Variants in COL5A1 observed in about 807,000 individuals in gnomAD.
COL5A1 encodes the protein collagen type V alpha 1 chain.
COL5A1 carries 16 observed loss-of-function variants against 263.7 expected under a neutral mutation model. The observed-to-expected ratio is 0.06, with a 90% confidence interval of 0.04 to 0.09. The LOEUF (loss-of-function observed/expected upper bound fraction) is 0.09. COL5A1 is among the 10% of genes least tolerant of loss of function. COL5A1 has a pLI of 1.00. For synonymous variants in COL5A1, 1,012 were observed against 1,004.5 expected (o/e 1.01, Z -0.14); for missense variants, 2,036 against 2,540.5 (o/e 0.80, Z 4.27).
chr9:134,759,316 TCATACACACATGCACACAA>T (rs1836129674), intron 18 of COL5A1, among the ~76,000 whole-genome samples: 1 of 98,930 alleles, frequency 1.0e-5, no homozygotes, highest in African/African-American at 4.7e-5. Context: ...ACCCCCACAC[TCATACACACATGCACACAA>T]GCACACACAC....
chr9:134,657,531 T>G (rs201556615), intron 1 of COL5A1, among the ~76,000 whole-genome samples: 20 of 10,564 alleles, frequency 1.9e-3, no homozygotes, highest in Admixed American at 4.8e-3. Context: ...GGGGGTGGGG[T>G]GGGGGTGTAG....
At chr9:134,817,861 G>A (rs769014842) in intron 54 of COL5A1, 30 bp downstream of exon 54, 43 of 1,576,022 alleles carry the variant, frequency 2.7e-5, no homozygotes, top group South Asian at 2.0e-4. Flanking sequence ...GGCTGTGACC[G>A]CGTAGACCTC....
rs952514097 is a variant in COL5A1 at position 134,682,670 on chromosome 9, C to T, written c.110-8242C>T. 3.3e-5 allele frequency among the ~76,000 whole-genome samples: 5 copies of T among 152,164 alleles called. No homozygotes were observed. Among genetic ancestry groups the T allele is most frequent in the Non-Finnish European group, 5.9e-5 (4 of 68,036 alleles). On this transcript the variant is annotated intron_variant, in intron 1 of 65. Coordinates refer to ENST00000371817, the MANE Select transcript of COL5A1 (RefSeq NM_000093.5). The surrounding 1 kb of genome is among the most constrained non-coding windows in gnomAD (Gnocchi z 5.1). ...TGGAAAGTAACAGTGGGCACTGCTC[C>T]GGCTCAGGGGGGCACCGGGACGGGG... is the stretch of plus-strand genomic sequence containing the variant.
intron 2 of COL5A1, among the ~76,000 whole-genome samples, chr9:134,693,162 TC>T (rs548021484): frequency 7.7e-4 from 118 of 152,260 alleles, no homozygotes; most frequent in African/African-American, 2.5e-3. Flanking sequence ...AGGGACCCCA[TC>T]CCTGAGCAGG....
intron 4 of COL5A1, chr9:134,708,584 G>GGTGTGGGGC (rs1833926584): frequency 5.8e-6 from 3 of 518,792 alleles, no homozygotes; most frequent in Non-Finnish European, 1.2e-5. Context: ...TGGCAGCCCA[G>GGTGTGGGGC]ACCCCACCCT....
At chr9:134,826,994 T>C (rs1839309536) in intron 63 of COL5A1, among the ~76,000 whole-genome samples, 1 of 152,188 alleles carries the variant, frequency 6.6e-6, no homozygotes. Context: ...CTGTTGCTCC[T>C]GGAAGGTGAC....
intron 11 of COL5A1, among the ~76,000 whole-genome samples, chr9:134,748,400 T>C (rs1310938546): frequency 6.6e-6 from 1 of 152,084 alleles, no homozygotes; most frequent in Non-Finnish European, 1.5e-5. Flanking sequence ...CACATACACT[T>C]ACATCCACAC....
At chr9:134,675,979 T>C (rs1486705814) in intron 1 of COL5A1, among the ~76,000 whole-genome samples, 1 of 152,210 alleles carries the variant, frequency 6.6e-6, no homozygotes, top group Non-Finnish European at 1.5e-5. Context: ...ACCCCACCCC[T>C]TGATGGGCTG....
At chr9:134,692,734 A>G (rs1833328851) in intron 2 of COL5A1, among the ~76,000 whole-genome samples, 1 of 152,218 alleles carries the variant, frequency 6.6e-6, no homozygotes, top group Non-Finnish European at 1.5e-5. Context: ...TCTTGTGGCC[A>G]GAAATATTAC....
intron 4 of COL5A1, among the ~76,000 whole-genome samples, chr9:134,719,902 G>A (rs929838303): frequency 6.6e-6 from 1 of 152,218 alleles, no homozygotes; most frequent in African/African-American, 2.4e-5. Context: ...GAGAGCCACA[G>A]GCCACTGCTG....
At position 134,754,346 on chromosome 9, in the gene COL5A1, G is replaced by A; in HGVS notation, c.1827+20G>A. The A allele has an allele frequency of 6.2e-7, 1 of 1,614,000 alleles. No homozygotes were observed. The highest frequency in any genetic ancestry group is 8.5e-7 in the Non-Finnish European group (1 of 1,180,026). On this transcript the variant is annotated intron_variant, in intron 16 of 65. Coordinates refer to ENST00000371817, the MANE Select transcript of COL5A1 (RefSeq NM_000093.5). This position sits in a 1 kb window ranked among gnomAD's most constrained non-coding sequence, Gnocchi z 4.3. ...AGACGGGTGAGTGGTGCGAGTGTGT[G>A]TGGTTTAGTGACAGCAGCTTGGGCG...
chr9:134,645,978 TC>T (rs1187558662), intron 1 of COL5A1, among the ~76,000 whole-genome samples: 1 of 151,678 alleles, frequency 6.6e-6, no homozygotes. Flanking sequence ...CTCCCTCTCT[TC>T]CTCCCTCCCT....
chr9:134,768,535 A>G (rs1421864879), intron 25 of COL5A1, 72 bp downstream of exon 25: 6 of 1,468,380 alleles, frequency 4.1e-6, no homozygotes, highest in Non-Finnish European at 5.7e-6. Context: ...CTGCAGGCCC[A>G]GGCTCTTTGG....
intron 1 of COL5A1, among the ~76,000 whole-genome samples, chr9:134,649,000 C>T (rs976885398): frequency 4.0e-5 from 6 of 151,644 alleles, no homozygotes; most frequent in Admixed American, 2.6e-4. Context: ...AGCTGCAGGC[C>T]TCTGTTCTGT....
rs762275373 is a variant in COL5A1, at chr9:134,817,839, GTT to G, written c.4230+11_4230+12del. ...GGAGAGAAAGGGGCCAAGGTAACGT[GTT>G]TTGGAGCCAGGCTGTGACCGCGTAG... On this transcript the variant is annotated intron_variant, in intron 54 of 65. Coordinates refer to ENST00000371817, the MANE Select transcript of COL5A1 (RefSeq NM_000093.5). The G allele has an allele frequency of 6.2e-7, 1 of 1,601,318 alleles. No homozygotes were observed. Among genetic ancestry groups the G allele is most frequent in the South Asian group, 1.1e-5 (1 of 88,974 alleles).
chr9:134,820,287 C>T (rs1838941825), intron 58 of COL5A1, 64 bp downstream of exon 58: 4 of 1,314,474 alleles, frequency 3.0e-6, no homozygotes, highest in Admixed American at 1.7e-5. Flanking sequence ...CTGGGGCAGG[C>T]ACCCAGGGGA....
Position 134,818,803 on chromosome 9 carries a change from G to C in COL5A1, c.4338+40G>C. 1 of 1,612,526 alleles carries C rather than the reference G, an allele frequency of 6.2e-7. No homozygotes were observed. Among genetic ancestry groups the C allele is most frequent in the Middle Eastern group, 1.7e-4 (1 of 6,060 alleles). ...AGGGGCAGAGGGGTTGCCGAGTGGAGGGACGGGGGACCAGCAACTCATGCA... is the reference window on the plus strand; with the variant it reads ...AGGGGCAGAGGGGTTGCCGAGTGGACGGACGGGGGACCAGCAACTCATGCA... On this transcript the variant is annotated intron_variant, in intron 55 of 65. Coordinates refer to ENST00000371817, the MANE Select transcript of COL5A1 (RefSeq NM_000093.5). This position sits in a 1 kb window ranked among gnomAD's most constrained non-coding sequence, Gnocchi z 6.0.
intron 39 of COL5A1, among the ~76,000 whole-genome samples, chr9:134,804,769 C>T (rs1401652182): frequency 6.6e-6 from 1 of 152,260 alleles, no homozygotes; most frequent in Non-Finnish European, 1.5e-5. Context: ...GGCCCCGACC[C>T]TTGGCCTTGC....
rs1425726787 is a variant in COL5A1 at position 134,831,323 on chromosome 9, A to AG, written c.5136+1282dup. ...TACCAGCTCCTTTGCAGACACTCCG[A>AG]GGGTCTGTGCTCACCGTGGCTGTGT... is the stretch of plus-strand genomic sequence containing the variant. On this transcript the variant is annotated intron_variant, in intron 64 of 65. Coordinates refer to ENST00000371817, the MANE Select transcript of COL5A1 (RefSeq NM_000093.5). Among the ~76,000 whole-genome samples the AG allele has an allele frequency of 2.0e-5, 3 of 152,162 alleles. No individual in the cohort carries two copies. In the East Asian group the frequency reaches 5.8e-4, roughly 29 times the overall value.
Sources: gnomAD v4.1 joint callset for allele counts (sites outside exome capture counted in the v4.1 genomes callset) on GRCh38, gnomAD v4.1.1 for gene constraint, Gnocchi (gnomAD v3.1) non-coding constraint, MANE v1.5 for transcripts, NCBI Gene and HGNC (gene_info 2026-07-23, HGNC 2026-07-21) for gene names.